Variants in MYT1L observed in about 807,000 individuals in gnomAD.
The protein encoded by MYT1L is myelin transcription factor 1-like protein.
A neutral mutation model predicts 126.7 loss-of-function variants in MYT1L; 12 were observed. That is an observed-to-expected ratio of 0.09 (90% confidence interval 0.06 to 0.15). The LOEUF (loss-of-function observed/expected upper bound fraction) is 0.15, where lower values mean the gene tolerates loss of function less well. Among genes scored for constraint, MYT1L ranks in the 10% least tolerant of loss-of-function variants. MYT1L has a pLI of 1.00. For synonymous variants in MYT1L, 541 were observed against 604.2 expected (o/e 0.90, Z 1.53); for missense variants, 979 against 1,585.2 (o/e 0.62, Z 6.49).
chr2:1,952,717 TCCTTCCTTCCC>T (rs2057889829), intron 8 of MYT1L, among the ~76,000 whole-genome samples: 1 of 7,234 alleles, frequency 1.4e-4, no homozygotes, highest in African/African-American at 4.4e-4. Context: ...TTCCCTTCCC[TCCTTCCTTCCC>T]TTCCCTCCTT....
At chr2:1,802,731 A>G (rs913130984) in intron 22 of MYT1L, among the ~76,000 whole-genome samples, 2 of 152,216 alleles carry the variant, frequency 1.3e-5, no homozygotes, top group African/African-American at 2.4e-5. Context: ...TTACACTGCC[A>G]ACGCCAAAGA....
intron 3 of MYT1L, among the ~76,000 whole-genome samples, chr2:2,135,716 A>G (rs1381631952): frequency 6.6e-6 from 1 of 152,212 alleles, no homozygotes; most frequent in Non-Finnish European, 1.5e-5. Flanking sequence ...AAAAGCCATA[A>G]TCATGCCATG....
At chr2:2,083,452 C>T (rs914849971) in intron 3 of MYT1L, among the ~76,000 whole-genome samples, 1 of 152,218 alleles carries the variant, frequency 6.6e-6, no homozygotes, top group Admixed American at 6.5e-5. Context: ...CCAACACAGG[C>T]CTGCAGGGCC....
At chr2:1,967,509 C>A (rs982874674) in intron 8 of MYT1L, among the ~76,000 whole-genome samples, 26 of 152,236 alleles carry the variant, frequency 1.7e-4, no homozygotes, top group African/African-American at 6.0e-4. Context: ...CATCCTCCCC[C>A]TTTCCTCCTT....
intron 2 of MYT1L, among the ~76,000 whole-genome samples, chr2:2,256,094 C>T (rs1000189041): frequency 6.6e-6 from 1 of 152,304 alleles, no homozygotes; most frequent in African/African-American, 2.4e-5. Flanking sequence ...ACCTCTGTAA[C>T]CATCTTCACT....
chr2:1,869,339 G>T (rs2045986401), intron 18 of MYT1L, among the ~76,000 whole-genome samples: 2 of 152,262 alleles, frequency 1.3e-5, no homozygotes, highest in African/African-American at 2.4e-5. Context: ...GGCGCAGCCG[G>T]TTGGGAAGGG....
intron 2 of MYT1L, among the ~76,000 whole-genome samples, chr2:2,182,117 G>A (rs547538767): frequency 7.9e-5 from 12 of 151,842 alleles, no homozygotes; most frequent in Admixed American, 2.0e-4. Context: ...CGGACAGCAC[G>A]CCCCACTCTG....
At chr2:1,814,373 T>C (rs2037300463) in intron 21 of MYT1L, among the ~76,000 whole-genome samples, 1 of 152,206 alleles carries the variant, frequency 6.6e-6, no homozygotes, top group Non-Finnish European at 1.5e-5. Context: ...CCCTGCGCCC[T>C]GGAGCGCAGC....
At chr2:2,132,292 AG>A (rs1310466549) in intron 3 of MYT1L, among the ~76,000 whole-genome samples, 1 of 152,190 alleles carries the variant, frequency 6.6e-6, no homozygotes, top group Non-Finnish European at 1.5e-5. Context: ...CGTTTATTGC[AG>A]CACTATTTAC....
intron 9 of MYT1L, among the ~76,000 whole-genome samples, chr2:1,930,583 G>A (rs543226319): frequency 6.6e-5 from 10 of 152,274 alleles, no homozygotes; most frequent in East Asian, 1.9e-4. Flanking sequence ...CAGAAGCGTC[G>A]GGGCTGCTGG....
At chr2:1,916,513 T>G (rs2052854169) in intron 11 of MYT1L, among the ~76,000 whole-genome samples, 1 of 152,222 alleles carries the variant, frequency 6.6e-6, no homozygotes, top group African/African-American at 2.4e-5. Context: ...ATTGGCATAC[T>G]TTATGTGCTG....
chr2:1,955,798 T>C (rs904031541), intron 8 of MYT1L, among the ~76,000 whole-genome samples: 1 of 152,228 alleles, frequency 6.6e-6, no homozygotes, highest in African/African-American at 2.4e-5. Flanking sequence ...TGTTTGATAA[T>C]ATCTTGGCTG....
intron 3 of MYT1L, among the ~76,000 whole-genome samples, chr2:2,122,872 T>TGTGTGTGTGTGTGTGTGA (rs553951630): frequency 7.5e-5 from 10 of 133,076 alleles, no homozygotes; most frequent in African/African-American, 2.1e-4. Flanking sequence ...TGTGTGTGTG[T>TGTGTGTGTGTGTGTGTGA]GAGAGAGAGA....
At chr2:2,040,616 A>T (rs2067422751) in intron 4 of MYT1L, among the ~76,000 whole-genome samples, 1 of 152,198 alleles carries the variant, frequency 6.6e-6, no homozygotes, top group South Asian at 2.1e-4. Context: ...ATGGAAATTG[A>T]AATATGCCCT....
intron 4 of MYT1L, among the ~76,000 whole-genome samples, chr2:2,038,962 G>A (rs1188427842): frequency 6.6e-6 from 1 of 152,114 alleles, no homozygotes; most frequent in African/African-American, 2.4e-5. Flanking sequence ...CCACAGCCCT[G>A]GCACACTGGG....
At chr2:2,289,044 T>C (rs2095561482) in intron 1 of MYT1L, among the ~76,000 whole-genome samples, 1 of 152,234 alleles carries the variant, frequency 6.6e-6, no homozygotes, top group East Asian at 1.9e-4. Flanking sequence ...CAGCTCATGA[T>C]GTCAGAGGTA....
chr2:2,115,106 A>C (rs2080022739), intron 3 of MYT1L, among the ~76,000 whole-genome samples: 1 of 152,026 alleles, frequency 6.6e-6, no homozygotes, highest in Non-Finnish European at 1.5e-5. Flanking sequence ...TGAGTCCCTC[A>C]CCACCCGGCT....
intron 3 of MYT1L, among the ~76,000 whole-genome samples, chr2:2,159,596 T>C (rs964897381): frequency 3.9e-5 from 6 of 151,958 alleles, no homozygotes; most frequent in African/African-American, 1.4e-4. Context: ...GATTGCCGAC[T>C]AGGAGGTGGC....
At chr2:2,219,097 G>A (rs181714308) in intron 2 of MYT1L, among the ~76,000 whole-genome samples, 62 of 152,242 alleles carry the variant, frequency 4.1e-4, no homozygotes, top group African/African-American at 1.4e-3. Flanking sequence ...ATGTTGTCTC[G>A]CCGTCACATT....
Sources: allele counts gnomAD v4.1 joint callset (sites outside exome capture counted in the v4.1 genomes callset), GRCh38; gene constraint gnomAD v4.1.1; transcripts MANE v1.5; gene names NCBI Gene and HGNC (gene_info 2026-07-23, HGNC 2026-07-21).